The following GRAMD1A variants were observed in gnomAD, a reference collection of about 807,000 sequenced individuals.
The protein encoded by GRAMD1A is protein Aster-A.
Under a neutral mutation model 92.0 loss-of-function variants are expected in GRAMD1A, and 50 were observed. That is an observed-to-expected ratio of 0.54 (90% CI 0.43 to 0.69). The LOEUF (loss-of-function observed/expected upper bound fraction) is 0.69. Among genes scored for constraint, GRAMD1A ranks in the 30% least tolerant of loss-of-function variants. GRAMD1A has a pLI of 0.00. For synonymous variants in GRAMD1A, 405 were observed against 403.6 expected, an observed-to-expected ratio of 1.00 and a Z score of -0.04; for missense variants, 819 against 978.9, an observed-to-expected ratio of 0.84 and a Z score of 2.18.
chr19:35,011,358 G>A, intron 6 of GRAMD1A, 116 bp from the exon 7 acceptor site: 3 of 805,998 alleles, frequency 3.7e-6, no homozygotes, highest in Admixed American at 1.8e-5. Flanking sequence ...GGGTGAATTA[G>A]TGGATTCATG....
At chr19:35,003,498 C>G (rs1166100649) in intron 1 of GRAMD1A, among the ~76,000 whole-genome samples, 1 of 152,154 alleles carries the variant, frequency 6.6e-6, no homozygotes, top group Non-Finnish European at 1.5e-5. Context: ...TCCTCTTTGC[C>G]CAGCCCTGGA....
intron 1 of GRAMD1A, among the ~76,000 whole-genome samples, chr19:35,006,823 C>G (rs1045892371): frequency 6.6e-6 from 1 of 152,220 alleles, no homozygotes; most frequent in Non-Finnish European, 1.5e-5. Context: ...AAGCAGGACA[C>G]TCCAGATAGC....
intron 11 of GRAMD1A, among the ~76,000 whole-genome samples, chr19:35,016,631 T>C (rs1477963070): frequency 1.4e-5 from 2 of 146,850 alleles, no homozygotes; most frequent in Non-Finnish European, 1.5e-5. Flanking sequence ...CTGGGCACAG[T>C]GGCTCACGCT....
Position 35,013,423 on chromosome 19 carries a change from C to A in GRAMD1A, c.719+55C>A. 1.3e-6 allele frequency: 2 copies of A among 1,498,718 alleles called. No homozygotes were observed. Among genetic ancestry groups the A allele is most frequent in the South Asian group, 1.2e-5 (1 of 86,922 alleles). 92.8% of individuals were successfully genotyped at this position (1,498,718 alleles called of 1,614,324 possible). On this transcript the variant is annotated intron_variant, in intron 8 of 19. Transcript: ENST00000317991. The surrounding 1 kb of genome is among the most constrained non-coding windows in gnomAD (Gnocchi z 4.9). The stretch of plus-strand genomic sequence containing the variant: ...GTTCGGGGGAGAACAGGACGGTCGG[C>A]GTGCAGAGTTCCTGGAGTGCTGGGG...
At position 35,014,485 on chromosome 19, in the gene GRAMD1A, C is replaced by T. The variant is rs541685086; in HGVS notation, c.1069+98C>T. 206 of 1,057,000 alleles carry T rather than the reference C, an allele frequency of 1.9e-4. No homozygotes were observed. In the African/African-American group the frequency reaches 3.0e-3, roughly 16 times the overall value. The allele number at this position is 1,057,000 out of a possible 1,614,324, so 65.5% of individuals were successfully genotyped here. Reference sequence around the variant, plus strand: ...GGATTCGCCCGCAGCACTGAGAATCCAGGGGCAGGCGGGATGGCGTTCAGG... The same window carrying T: ...GGATTCGCCCGCAGCACTGAGAATCTAGGGGCAGGCGGGATGGCGTTCAGG... On this transcript the variant is annotated intron_variant, in intron 10 of 19. Coordinates refer to ENST00000317991, the MANE Select transcript of GRAMD1A (RefSeq NM_020895.5).
At chr19:35,022,799 G>A (rs2016160183) in intron 16 of GRAMD1A, 101 bp from the exon 17 acceptor site, 2 of 1,230,326 alleles carry the variant, frequency 1.6e-6, no homozygotes, top group Admixed American at 4.3e-5. Flanking sequence ...GGGGCGTGGT[G>A]CTCTCAGCCA....
In GRAMD1A at chr19:35,021,651, G is replaced by A. The variant is rs764589813; in HGVS notation, c.1580-40G>A. 7 of 1,613,626 alleles carry A rather than the reference G, an allele frequency of 4.3e-6. No individual in the cohort carries two copies. Among genetic ancestry groups the A allele is most frequent in the South Asian group, 1.1e-5 (1 of 91,088 alleles). On this transcript the variant is annotated intron_variant, in intron 14 of 19. Coordinates refer to ENST00000317991, the MANE Select transcript of GRAMD1A (RefSeq NM_020895.5). The surrounding 1 kb of genome is among the most constrained non-coding windows in gnomAD (Gnocchi z 5.3). ...GGGGCGTGGGTTGGGGGATGGCCTG[G>A]CCAGGTATGGACATCCAGAGCCCCC...
intron 1 of GRAMD1A, among the ~76,000 whole-genome samples, 186 bp from the exon 2 acceptor site, chr19:35,008,933 A>G (rs2015016662): frequency 6.6e-6 from 1 of 152,238 alleles, no homozygotes. Context: ...ATTACTGATG[A>G]AGTAACCGTA....
At position 35,015,849 on chromosome 19, in the gene GRAMD1A, C is replaced by A. The variant is rs368156191; in HGVS notation, c.1095C>A (p.Asp365Glu). ...EEADLAALLP[D>E]LSGRLLINSV... Reference sequence around the variant, plus strand: ...CGGACTTGGCTGCCCTGCTTCCCGACCTCTCCGGCCGCCTCCTCATCAACT... The same window carrying A: ...CGGACTTGGCTGCCCTGCTTCCCGAACTCTCCGGCCGCCTCCTCATCAACT... Residue 365 changes from aspartate to glutamate, a missense_variant, in exon 11 of 20, where the codon GAC becomes GAA. Physicochemically the swap from Asp to Glu is conservative, Grantham distance 45. This residue lies in a region of GRAMD1A where 577 missense variants were observed against 674.6 expected (regional missense o/e 0.86). Transcript: ENST00000317991. 9.9e-6 allele frequency: 16 copies of A among 1,613,940 alleles called. No homozygotes were observed. The highest frequency in any genetic ancestry group is 1.3e-5 in the African/African-American group (1 of 74,928).
rs750261791 is a variant in GRAMD1A at position 35,021,790 on chromosome 19, G to A, written c.1679G>A (p.Ser560Asn). The change falls in exon 15 of 20, where the codon AGC (serine) becomes AAC (asparagine). Residue 560 changes from serine (S) to asparagine (N), a missense_variant. This residue lies in a region of GRAMD1A where 577 missense variants were observed against 674.6 expected (regional missense o/e 0.86). Coordinates refer to ENST00000317991, the MANE Select transcript of GRAMD1A (RefSeq NM_020895.5). This position sits in a 1 kb window ranked among gnomAD's most constrained non-coding sequence, Gnocchi z 5.3. ...SGLRRRKRPL[S>N]WRAHGDGPQH... Reference sequence around the variant, plus strand: ...CTGCGGCGGCGGAAGCGGCCCCTGAGCTGGCGGGCTCACGGGGACGGGCCC... The same window carrying A: ...CTGCGGCGGCGGAAGCGGCCCCTGAACTGGCGGGCTCACGGGGACGGGCCC... The A allele has an allele frequency of 3.7e-5, 60 of 1,611,534 alleles. No homozygotes were observed. Among genetic ancestry groups the A allele is most frequent in the Non-Finnish European group, 5.0e-5 (59 of 1,179,186 alleles).
chr19:35,007,906 A>G (rs1173396025), intron 1 of GRAMD1A, among the ~76,000 whole-genome samples: 1 of 152,058 alleles, frequency 6.6e-6, no homozygotes. Context: ...ATGGAAATAG[A>G]TTTTGAAATG....
rs553636601 is a variant in GRAMD1A, at chr19:35,016,904, CA to C, written c.1213+955del. On this transcript the variant is annotated intron_variant, in intron 11 of 19. Transcript: ENST00000317991. ...TGGGCGACAGAGCGAGACTCTGTCT[CA>C]AAAAAAAAAAAAAAAAAGGTGGGAG... Among the ~76,000 whole-genome samples, 641 of 68,426 alleles carry C rather than the reference CA, an allele frequency of 9.4e-3. 3 individuals carry two copies. Among genetic ancestry groups the C allele is most frequent in the African/African-American group, 0.032 (539 of 17,102 alleles). 44.9% of individuals were successfully genotyped at this position (68,426 alleles called of 152,430 possible).
intron 5 of GRAMD1A, 26 bp downstream of exon 5, chr19:35,010,221 A>G: frequency 6.3e-7 from 1 of 1,596,532 alleles, no homozygotes. Context: ...GGCAGGGTAC[A>G]GGGGCGGGGG....
At chr19:35,010,417 C>G in intron 6 of GRAMD1A, 38 bp downstream of exon 6, 1 of 1,364,622 alleles carries the variant, frequency 7.3e-7, no homozygotes, top group Non-Finnish European at 1.1e-6. Flanking sequence ...CGCGGTCCCC[C>G]GCTCAGCAGG....
Position 35,014,316 on chromosome 19 carries a change from C to T in GRAMD1A, c.998C>T (p.Pro333Leu), listed in dbSNP as rs1364674539. Residue 333 changes from proline (P) to leucine (L), a missense_variant, in exon 10 of 20, where the codon CCC becomes CTC. Pro to Leu is a moderately conservative substitution (Grantham distance 98). Coordinates refer to ENST00000317991, the MANE Select transcript of GRAMD1A (RefSeq NM_020895.5). The stretch of plus-strand genomic sequence containing the variant: ...CCTGACGGGCCCACCACCCTGGGCC[C>T]CTTGGATCTGCTGCCCAGTGAGGAG... The part of the protein sequence containing the change: ...TQPDGPTTLG[P>L]LDLLPSEELL... 1.9e-6 allele frequency: 3 copies of T among 1,614,168 alleles called. No homozygotes were observed. The highest frequency in any genetic ancestry group is 2.5e-6 in the Non-Finnish European group (3 of 1,180,004).
At chr19:34,995,570 G>GTTTTTCTTTTTTTTTTTTTTTT, upstream of GRAMD1A, among the ~76,000 whole-genome samples, 1 of 80,956 alleles carries the variant, frequency 1.2e-5, no homozygotes, top group Non-Finnish European at 2.5e-5. Flanking sequence ...TCAGATCACG[G>GTTTTTCTTTTTTTTTTTTTTTT]GTTTTTTTTT....
chr19:35,010,848 T>C (rs547683732), intron 6 of GRAMD1A, among the ~76,000 whole-genome samples: 2 of 152,216 alleles, frequency 1.3e-5, no homozygotes, highest in East Asian at 1.9e-4. Context: ...CCTGTAACCC[T>C]AGCATTTTGG....
chr19:35,004,070 AC>A (rs2014615718), intron 1 of GRAMD1A, among the ~76,000 whole-genome samples: 1 of 152,166 alleles, frequency 6.6e-6, no homozygotes, highest in Non-Finnish European at 1.5e-5. Context: ...CTACAAAAAA[AC>A]TTTAAAAATC....
At position 35,009,171 on chromosome 19, in the gene GRAMD1A, A is replaced by G; in HGVS notation, c.61A>G (p.Lys21Glu). 1 of 1,614,050 alleles carries G rather than the reference A, an allele frequency of 6.2e-7. No homozygotes were observed. The change falls in exon 2 of 20, where the codon AAA becomes GAA. Residue 21 changes from lysine (K) to glutamate (E), a missense_variant. This residue lies in a region of GRAMD1A where 98 missense variants were observed against 84.0 expected (regional missense o/e 1.17). Coordinates refer to ENST00000317991, the MANE Select transcript of GRAMD1A (RefSeq NM_020895.5). Reference sequence around the variant, plus strand: ...GCCAAGCAGCTCCCCATCGCTCCGGAAACGGCTGCAGCTCCTGCCCCCAAG... The same window carrying G: ...GCCAAGCAGCTCCCCATCGCTCCGGGAACGGCTGCAGCTCCTGCCCCCAAG... Reference protein sequence around the residue: ...STPSSSPSLRKRLQLLPPSRP... With the variant: ...STPSSSPSLRERLQLLPPSRP...
Sources: allele counts gnomAD v4.1 joint callset (sites outside exome capture counted in the v4.1 genomes callset), GRCh38; gene constraint gnomAD v4.1.1; regional missense constraint gnomAD v4.1.1; non-coding constraint Gnocchi (gnomAD v3.1); transcripts MANE v1.5; gene names NCBI Gene and HGNC (gene_info 2026-07-23, HGNC 2026-07-21).